SV2C: variants seen among roughly 807,000 people sequenced by gnomAD.
SV2C encodes the protein synaptic vesicle glycoprotein 2C, also known as solute carrier family 22 member B3.
Under a neutral mutation model 79.7 loss-of-function variants are expected in SV2C, and 49 were observed. The observed-to-expected ratio is 0.61, with a 90% confidence interval of 0.49 to 0.78. SV2C has a LOEUF of 0.78. Ranked by LOEUF, SV2C falls within the 30% of genes least tolerant of loss-of-function variation. The pLI is 0.00. For synonymous variants in SV2C, 334 were observed against 333.2 expected (o/e 1.00, Z -0.03); for missense variants, 833 against 912.9 (o/e 0.91, Z 1.13).
chr5:76,197,707 C>CAGATAGATTAGATAGATAGAT (rs1744310468), intron 3 of SV2C, among the ~76,000 whole-genome samples: 1 of 145,494 alleles, frequency 6.9e-6, no homozygotes, highest in Admixed American at 6.9e-5. Flanking sequence ...GATAGACAGG[C>CAGATAGATTAGATAGATAGAT]AGATAGATAG....
the SV2C span, chr5:75,911,166 T>G: frequency 5.0e-6 from 8 of 1,592,536 alleles, no homozygotes; most frequent in Non-Finnish European, 6.9e-6. Context: ...CAAGCTCCTC[T>G]GAGGAAGAAG....
intron 2 of SV2C, among the ~76,000 whole-genome samples, chr5:76,171,513 C>A (rs893209390): frequency 7.5e-6 from 1 of 132,518 alleles, no homozygotes; most frequent in Non-Finnish European, 1.7e-5. Flanking sequence ...GCAACCACCC[C>A]GTCTGAGAAG....
At chr5:75,869,990 C>A in the SV2C span, among the ~76,000 whole-genome samples, 1 of 152,134 alleles carries the variant, frequency 6.6e-6, no homozygotes, top group African/African-American at 2.4e-5. Flanking sequence ...TATATTACAA[C>A]ACTCAAGTCC....
chr5:75,848,047 A>T, the SV2C span, among the ~76,000 whole-genome samples: 13 of 152,364 alleles, frequency 8.5e-5, no homozygotes, highest in South Asian at 2.5e-3. Context: ...TTTCCCATGG[A>T]TCTGGAATCC....
chr5:75,881,662 T>C, the SV2C span, among the ~76,000 whole-genome samples: 2 of 152,172 alleles, frequency 1.3e-5, no homozygotes, highest in Non-Finnish European at 2.9e-5. Context: ...CCTGAGACTT[T>C]GCTGAAGTTG....
the SV2C span, among the ~76,000 whole-genome samples, chr5:75,957,753 T>A: frequency 6.6e-6 from 1 of 152,034 alleles, no homozygotes; most frequent in Non-Finnish European, 1.5e-5. Context: ...CCTACAAATA[T>A]TTTAAAAGTC....
the SV2C span, among the ~76,000 whole-genome samples, chr5:75,929,105 C>T: frequency 6.6e-6 from 1 of 152,080 alleles, no homozygotes. Flanking sequence ...CTGGTGTCCC[C>T]AGCCCTGCCT....
downstream of SV2C, among the ~76,000 whole-genome samples, chr5:76,338,140 G>A (rs1255546094): frequency 6.6e-6 from 1 of 152,218 alleles, no homozygotes; most frequent in African/African-American, 2.4e-5. Flanking sequence ...AACCACAAAA[G>A]GAGACACATT....
At chr5:75,907,984 T>C in the SV2C span, among the ~76,000 whole-genome samples, 8 of 152,144 alleles carry the variant, frequency 5.3e-5, no homozygotes, top group African/African-American at 1.9e-4. Context: ...TTTAACTGTG[T>C]GATGCTGTTG....
At chr5:75,886,319 G>A in the SV2C span, among the ~76,000 whole-genome samples, 1 of 152,070 alleles carries the variant, frequency 6.6e-6, no homozygotes, top group East Asian at 1.9e-4. Context: ...TCTTGTGGCT[G>A]TCTTTTACGT....
Position 76,268,975 on chromosome 5 carries a change from C to T in SV2C, c.914-16187C>T, listed in dbSNP as rs562138716. Among the ~76,000 whole-genome samples, 33 of 152,362 alleles carry T rather than the reference C, an allele frequency of 2.2e-4. No individual in the cohort carries two copies. The South Asian group carries it at 6.2e-3, about 29-fold the overall frequency. ...CTCCTAAAAGTCGGTTTTCACACCTCTGTTAGAAAACGAAGTTTCGAAGTA... is the reference window on the plus strand; with the variant it reads ...CTCCTAAAAGTCGGTTTTCACACCTTTGTTAGAAAACGAAGTTTCGAAGTA... On this transcript the variant is annotated intron_variant, in intron 4 of 12. Coordinates refer to ENST00000502798, the MANE Select transcript of SV2C (RefSeq NM_014979.4).
chr5:76,002,269 T>A, the SV2C span, among the ~76,000 whole-genome samples: 1 of 152,192 alleles, frequency 6.6e-6, no homozygotes, highest in African/African-American at 2.4e-5. Context: ...TGTGTTGCTA[T>A]AAACATGTGT....
chr5:75,855,669 G>A, the SV2C span, among the ~76,000 whole-genome samples: 3 of 152,028 alleles, frequency 2.0e-5, no homozygotes, highest in African/African-American at 7.2e-5. Context: ...TTTAATTTTT[G>A]TGAGTACATA....
chr5:76,324,579 C>T (rs932881817), intron 12 of SV2C, among the ~76,000 whole-genome samples: 5 of 152,204 alleles, frequency 3.3e-5, no homozygotes, highest in Non-Finnish European at 7.4e-5. Flanking sequence ...TATAGTGGCT[C>T]ATGCCTGTAA....
the SV2C span, among the ~76,000 whole-genome samples, chr5:75,953,943 G>C: frequency 6.6e-6 from 1 of 151,920 alleles, no homozygotes; most frequent in Non-Finnish European, 1.5e-5. Flanking sequence ...TTATTCTGGA[G>C]TGTGCTTCTG....
At chr5:76,076,747 T>C in the SV2C span, among the ~76,000 whole-genome samples, 1 of 152,204 alleles carries the variant, frequency 6.6e-6, no homozygotes, top group African/African-American at 2.4e-5. Context: ...CTCTACTGCA[T>C]AGCCACATTC....
intron 8 of SV2C, 97 bp downstream of exon 8, chr5:76,291,953 G>A: frequency 2.3e-6 from 2 of 859,266 alleles, no homozygotes; most frequent in Non-Finnish European, 3.6e-6. Flanking sequence ...GCTTGATGCT[G>A]TTAACCTGCT....
chr5:76,353,200 C>T (rs1277618896), exon 13 of SV2C: 1 of 406,776 alleles, frequency 2.5e-6, no homozygotes, highest in African/African-American at 2.1e-5. Flanking sequence ...CTGCCTCAGC[C>T]TCCCAAAGTT....
intron 2 of SV2C, among the ~76,000 whole-genome samples, chr5:76,168,126 C>T (rs1201530530): frequency 6.6e-6 from 1 of 152,168 alleles, no homozygotes; most frequent in Non-Finnish European, 1.5e-5. Context: ...ACACAAGCTA[C>T]TGACCTCTTC....
Sources: allele counts gnomAD v4.1 joint callset (sites outside exome capture counted in the v4.1 genomes callset), GRCh38; gene constraint gnomAD v4.1.1; transcripts MANE v1.5; gene names NCBI Gene and HGNC (gene_info 2026-07-23, HGNC 2026-07-21).